Variants in MSH6 observed in about 807,000 individuals in gnomAD.
MSH6 encodes mutS homolog 6, also known as DNA mismatch repair protein Msh6.
Under a neutral mutation model 119.1 loss-of-function variants are expected in MSH6, and 85 were observed. The observed-to-expected ratio is 0.71, with a 90% CI of 0.60 to 0.85. The LOEUF is 0.85. Among genes scored for constraint, MSH6 ranks in the 40% least tolerant of loss-of-function variants. MSH6 has a pLI of 0.00. For synonymous variants in MSH6, 830 were observed against 586.9 expected, an observed-to-expected ratio of 1.41 and a Z score of -5.99; for missense variants, 2,163 against 1,655.3, an observed-to-expected ratio of 1.31 and a Z score of -5.32.
downstream of MSH6, chr2:47,809,820 T>C: frequency 6.2e-6 from 4 of 642,542 alleles, no homozygotes; most frequent in South Asian, 5.8e-5. Context: ...TTAACCCTCT[T>C]AATGTCTACT....
At chr2:47,807,092 C>T (rs1386670274), downstream of MSH6, 3 of 516,174 alleles carry the variant, frequency 5.8e-6, no homozygotes, top group Non-Finnish European at 1.0e-5. Context: ...TGTTTTATAC[C>T]CACTGTCACC....
In MSH6 at chr2:47,799,619, G is replaced by A. The variant is rs63751172; in HGVS notation, c.1636G>A (p.Glu546Lys). The A allele has an allele frequency of 6.2e-7, 1 of 1,614,118 alleles. No homozygotes were observed. The part of the protein sequence containing the change: ...SKYLLSLKEK[E>K]EDSSGHTRAY... ...GTATCTTCTTAGCCTCAAAGAAAAA[G>A]AGGAAGATTCTTCTGGCCATACTCG... The change falls in exon 4 of 10, where the codon GAG becomes AAG. Residue 546 changes from glutamate to lysine, a missense_variant. Glu to Lys is a moderately conservative substitution (Grantham distance 56). Transcript: ENST00000234420.
chr2:47,799,018 T>A lies in MSH6; in HGVS notation c.1035T>A (p.Asn345Lys), dbSNP rs765166082. 4.3e-6 allele frequency: 7 copies of A among 1,614,110 alleles called. No homozygotes were observed. The African/African-American group carries it at 9.3e-5, about 22-fold the overall frequency. ...TGAGAGCTTTCTCTGCCCCTCAAAA[T>A]TCTGAATCCCAAGCCCACGTTAGTG... Reference protein sequence around the residue: ...NTLRAFSAPQNSESQAHVSGG... With the variant: ...NTLRAFSAPQKSESQAHVSGG... Residue 345 changes from asparagine (N) to lysine (K), a missense_variant, in exon 4 of 10, where the codon AAT (asparagine) becomes AAA (lysine). By Grantham distance (94) the Asn-to-Lys change is moderately conservative. Transcript: ENST00000234420.
intron 1 of MSH6, among the ~76,000 whole-genome samples, chr2:47,786,438 G>T (rs993625164): frequency 2.0e-5 from 3 of 151,756 alleles, no homozygotes; most frequent in Non-Finnish European, 4.4e-5. Flanking sequence ...GGGTTCCAGC[G>T]ATTCTCCTGC....
chr2:47,803,024 G>A (rs913520122), intron 4 of MSH6, among the ~76,000 whole-genome samples: 2 of 152,040 alleles, frequency 1.3e-5, no homozygotes. Flanking sequence ...TGATTCTCCT[G>A]CCTCAGCCTC....
chr2:47,795,805 T>C (rs1331453819), intron 2 of MSH6, 89 bp from the exon 3 acceptor site: 2 of 1,114,996 alleles, frequency 1.8e-6, no homozygotes, highest in Admixed American at 1.9e-5. Flanking sequence ...GGGTTTGCTA[T>C]GTTGCCCAGG....
At chr2:47,801,427 G>A in intron 4 of MSH6, 1 of 347,458 alleles carries the variant, frequency 2.9e-6, no homozygotes, top group African/African-American at 2.6e-5. Flanking sequence ...AGAATATGGT[G>A]ACACAACCAT....
At chr2:47,804,793 T>C (rs1387415089) in intron 5 of MSH6, 117 bp from the exon 6 acceptor site, 21 of 801,782 alleles carry the variant, frequency 2.6e-5, no homozygotes, top group South Asian at 2.5e-4. Context: ...AACGTACATG[T>C]GATTGTGAAA....
In MSH6 at chr2:47,795,990, A is replaced by T. The variant is rs2104235423; in HGVS notation, c.554A>T (p.Lys185Ile). The T allele has an allele frequency of 6.2e-7, 1 of 1,614,224 alleles. No individual in the cohort carries two copies. The highest frequency in any genetic ancestry group is 8.5e-7 in the Non-Finnish European group (1 of 1,180,048). ...CAACGTGCAGATGAAGCCTTAAATA[A>T]AGACAAGATTAAGAGGCTTGAATTG... ...AMQRADEALNKDKIKRLELAV... is the reference protein window; with the variant it reads ...AMQRADEALNIDKIKRLELAV... The change falls in exon 3 of 10, where the codon AAA becomes ATA. Residue 185 changes from lysine to isoleucine, a missense_variant. Transcript: ENST00000234420.
downstream of MSH6, chr2:47,809,249 T>C (rs758374633): frequency 6.3e-7 from 1 of 1,587,290 alleles, no homozygotes; most frequent in Non-Finnish European, 8.6e-7. Flanking sequence ...GCATCTTGAT[T>C]GTTCATTATT....
intron 6 of MSH6, 53 bp from the exon 7 acceptor site, chr2:47,805,565 A>C: frequency 8.6e-7 from 1 of 1,161,724 alleles, no homozygotes; most frequent in Non-Finnish European, 1.3e-6. Context: ...AGATGAATTT[A>C]TGTAATATGA....
intron 3 of MSH6, 127 bp from the exon 4 acceptor site, chr2:47,798,484 A>C: frequency 1.1e-6 from 1 of 919,318 alleles, no homozygotes; most frequent in South Asian, 1.5e-5. Flanking sequence ...CGAATACTGT[A>C]CTAAAAATGA....
chr2:47,789,978 C>G (rs1473675420), intron 1 of MSH6, among the ~76,000 whole-genome samples: 1 of 152,000 alleles, frequency 6.6e-6, no homozygotes, highest in African/African-American at 2.4e-5. Flanking sequence ...AGCCATCATA[C>G]CTGGTCACTG....
At chr2:47,809,946 A>G (rs1180260861), downstream of MSH6, 1 of 509,152 alleles carries the variant, frequency 2.0e-6, no homozygotes, top group Non-Finnish European at 3.5e-6. Context: ...GTTTAAATAC[A>G]TGATACTTGG....
At chr2:47,786,955 A>G (rs972776068) in intron 1 of MSH6, among the ~76,000 whole-genome samples, 1 of 152,028 alleles carries the variant, frequency 6.6e-6, no homozygotes, top group African/African-American at 2.4e-5. Context: ...CTTTCGATGA[A>G]CAAATTATTG....
intron 1 of MSH6, among the ~76,000 whole-genome samples, chr2:47,788,663 G>A (rs1328925391): frequency 5.9e-5 from 8 of 136,268 alleles, no homozygotes; most frequent in African/African-American, 2.2e-4. Flanking sequence ...TCCACCTCCC[G>A]GGTTCAAGGG....
At chr2:47,794,389 A>C (rs538723488) in intron 2 of MSH6, among the ~76,000 whole-genome samples, 19 of 152,026 alleles carry the variant, frequency 1.2e-4, no homozygotes, top group African/African-American at 4.1e-4. Flanking sequence ...CTCCTGCCTC[A>C]GTCTCCTTAG....
chr2:47,791,786 C>G (rs1316810719), intron 2 of MSH6, among the ~76,000 whole-genome samples: 2 of 150,552 alleles, frequency 1.3e-5, no homozygotes, highest in Non-Finnish European at 1.5e-5. Context: ...TCAAGAGTTT[C>G]CTACCTCAGC....
chr2:47,808,181 A>G, downstream of MSH6: 1 of 1,613,568 alleles, frequency 6.2e-7, no homozygotes, highest in Non-Finnish European at 8.5e-7. Context: ...TATCTGTATC[A>G]TGTGTAGGCT....
Sources: gnomAD v4.1 joint callset for allele counts (sites outside exome capture counted in the v4.1 genomes callset) on GRCh38, gnomAD v4.1.1 for gene constraint, MANE v1.5 for transcripts, NCBI Gene and HGNC (gene_info 2026-07-23, HGNC 2026-07-21) for gene names.